Variants in SGCZ observed in about 807,000 individuals in gnomAD.
The protein encoded by SGCZ is zeta-sarcoglycan.
SGCZ carries 40 observed loss-of-function variants against 41.3 expected under a neutral mutation model. The ratio of observed to expected loss-of-function variants is 0.97; its 90% CI spans 0.75 to 1.26. The LOEUF (loss-of-function observed/expected upper bound fraction) is 1.26, where lower values mean the gene tolerates loss of function less well. SGCZ is among the 50% of genes most tolerant of loss of function. SGCZ has a pLI of 0.00. For synonymous variants in SGCZ, 206 were observed against 137.5 expected (o/e 1.50, Z -3.49); for missense variants, 552 against 369.8 (o/e 1.49, Z -4.04).
chr8:14,577,546 C>T (rs909008591), intron 1 of SGCZ, among the ~76,000 whole-genome samples: 7 of 152,006 alleles, frequency 4.6e-5, no homozygotes, highest in African/African-American at 1.4e-4. Flanking sequence ...TCTCAACATG[C>T]CTGGCTAACT....
At chr8:14,907,219 G>C (rs190077043) in intron 1 of SGCZ, among the ~76,000 whole-genome samples, 81 of 152,162 alleles carry the variant, frequency 5.3e-4, no homozygotes, top group Non-Finnish European at 1.0e-3. Flanking sequence ...TTTTGGGACA[G>C]AGTCTTGCTC....
At chr8:14,196,067 C>A (rs1805257787) in intron 4 of SGCZ, among the ~76,000 whole-genome samples, 1 of 151,948 alleles carries the variant, frequency 6.6e-6, no homozygotes, top group Admixed American at 6.6e-5. Flanking sequence ...GCTACTGTAT[C>A]TCTACAGTAT....
chr8:15,146,055 G>A lies in SGCZ; in HGVS notation c.39+91530C>T, dbSNP rs150666906. On this transcript the variant is annotated intron_variant, in intron 1 of 7. Transcript: ENST00000382080. ...CTGTTAGTGGCCATGAATAGGAGACGGGAAGAAGTGAGAGGGGCTAAAAAA... is the reference window on the plus strand; with the variant it reads ...CTGTTAGTGGCCATGAATAGGAGACAGGAAGAAGTGAGAGGGGCTAAAAAA... Among the ~76,000 whole-genome samples, 1,364 of 152,010 alleles carry A rather than the reference G, an allele frequency of 9.0e-3. 12 individuals are homozygous for A. Among genetic ancestry groups the A allele is most frequent in the Middle Eastern group, 0.055 (16 of 292 alleles).
chr8:14,740,778 G>C (rs933279071), intron 1 of SGCZ, among the ~76,000 whole-genome samples: 26 of 152,076 alleles, frequency 1.7e-4, no homozygotes, highest in Admixed American at 1.7e-3. Flanking sequence ...GTTGATCTGA[G>C]TCTTTCTCAC....
At chr8:14,695,945 G>T (rs1405650074) in intron 1 of SGCZ, among the ~76,000 whole-genome samples, 1 of 152,044 alleles carries the variant, frequency 6.6e-6, no homozygotes, top group Admixed American at 6.5e-5. Context: ...AAAAATAAAA[G>T]CTAAAACCTT....
chr8:14,145,734 A>G (rs1472447561), intron 5 of SGCZ, among the ~76,000 whole-genome samples: 1 of 152,190 alleles, frequency 6.6e-6, no homozygotes, highest in African/African-American at 2.4e-5. Flanking sequence ...ATGCTACCCA[A>G]TAAATTTATC....
chr8:14,476,459 T>C (rs1310230375), intron 2 of SGCZ, among the ~76,000 whole-genome samples: 3 of 151,994 alleles, frequency 2.0e-5, no homozygotes, highest in Non-Finnish European at 4.4e-5. Flanking sequence ...TATATATGTA[T>C]GCATGTATAT....
chr8:15,136,925 G>A (rs539015279), intron 1 of SGCZ, among the ~76,000 whole-genome samples: 1 of 152,336 alleles, frequency 6.6e-6, no homozygotes, highest in South Asian at 2.1e-4. Context: ...ACTAAAGGCA[G>A]AGGATGGAAC....
intron 1 of SGCZ, among the ~76,000 whole-genome samples, chr8:14,583,966 C>T (rs1181820570): frequency 2.6e-5 from 4 of 151,950 alleles, no homozygotes; most frequent in East Asian, 3.9e-4. Context: ...AGGTATTAAA[C>T]GTAATATTGT....
At chr8:14,901,625 C>A (rs1453280723) in intron 1 of SGCZ, among the ~76,000 whole-genome samples, 1 of 151,806 alleles carries the variant, frequency 6.6e-6, no homozygotes, top group Admixed American at 6.6e-5. Flanking sequence ...TGAAAAAATC[C>A]TTGGTCTATG....
chr8:14,611,979 T>C (rs1805944572), intron 1 of SGCZ, among the ~76,000 whole-genome samples: 1 of 152,220 alleles, frequency 6.6e-6, no homozygotes, highest in Non-Finnish European at 1.5e-5. Flanking sequence ...TAATTCTTAT[T>C]GCTCTAGGAC....
rs374152674 is a variant in SGCZ, at chr8:14,124,583, A to G, written c.548-16348T>C. On this transcript the variant is annotated intron_variant, in intron 5 of 7. Transcript: ENST00000382080. ...ATTACTGTTTTACCAAATTGATTAT[A>G]ACATCAATCATTCATCTTAATCTCT... is the stretch of plus-strand genomic sequence containing the variant. Among the ~76,000 whole-genome samples, 5 of 152,324 alleles carry G rather than the reference A, an allele frequency of 3.3e-5. No homozygotes were observed. The East Asian group carries it at 9.6e-4, about 29-fold the overall frequency.
chr8:14,997,893 G>A (rs954476213), intron 1 of SGCZ, among the ~76,000 whole-genome samples: 7 of 152,108 alleles, frequency 4.6e-5, no homozygotes, highest in Admixed American at 6.6e-5. Flanking sequence ...CCGGGAGGCG[G>A]AGGTTGCAGT....
At chr8:14,308,084 T>G (rs566697113) in intron 3 of SGCZ, among the ~76,000 whole-genome samples, 8 of 152,236 alleles carry the variant, frequency 5.3e-5, no homozygotes, top group Non-Finnish European at 1.0e-4. Flanking sequence ...ATTATTCATT[T>G]TGTCAAAAAT....
intron 1 of SGCZ, among the ~76,000 whole-genome samples, chr8:15,076,106 A>G (rs986267681): frequency 1.3e-5 from 2 of 152,132 alleles, no homozygotes; most frequent in Non-Finnish European, 2.9e-5. Context: ...CCTTCCTCAC[A>G]TCTATGAAGA....
chr8:14,544,542 C>G (rs929862182), intron 2 of SGCZ, among the ~76,000 whole-genome samples: 2 of 151,954 alleles, frequency 1.3e-5, no homozygotes, highest in African/African-American at 4.8e-5. Flanking sequence ...AATATTAATA[C>G]CCTGGGAAAG....
At chr8:14,337,789 A>G (rs1328883802) in intron 2 of SGCZ, among the ~76,000 whole-genome samples, 2 of 152,146 alleles carry the variant, frequency 1.3e-5, no homozygotes, top group African/African-American at 4.8e-5. Flanking sequence ...CCTCCCCTGC[A>G]TGGGTCAGAG....
chr8:15,015,281 T>C (rs932226515), intron 1 of SGCZ, among the ~76,000 whole-genome samples: 2 of 151,750 alleles, frequency 1.3e-5, no homozygotes, highest in African/African-American at 4.8e-5. Context: ...TGGGATAAAG[T>C]GTTTATAATT....
chr8:14,394,864 G>T (rs551788047), intron 2 of SGCZ, among the ~76,000 whole-genome samples: 1 of 152,188 alleles, frequency 6.6e-6, no homozygotes, highest in African/African-American at 2.4e-5. Context: ...ATGCTTCCAA[G>T]CATTATGTCA....
Sources: allele counts gnomAD v4.1 joint callset (sites outside exome capture counted in the v4.1 genomes callset), GRCh38; gene constraint gnomAD v4.1.1; transcripts MANE v1.5; gene names NCBI Gene and HGNC (gene_info 2026-07-23, HGNC 2026-07-21).